The following RUNX3 variants were observed in gnomAD, a reference collection of about 807,000 sequenced individuals.
The protein encoded by RUNX3 is RUNX family transcription factor 3, also known as runt-related transcription factor 3.
Under a neutral mutation model 27.7 loss-of-function variants are expected in RUNX3, and 10 were observed. That is an observed-to-expected ratio of 0.36 (90% confidence interval 0.22 to 0.61). The LOEUF (loss-of-function observed/expected upper bound fraction) is 0.61. Among genes scored for constraint, RUNX3 ranks in the 20% least tolerant of loss-of-function variants. RUNX3 has a pLI of 0.72. For synonymous variants in RUNX3, 270 were observed against 269.2 expected, an observed-to-expected ratio of 1.00 and a Z score of -0.03; for missense variants, 469 against 629.5, an observed-to-expected ratio of 0.75 and a Z score of 2.73.
chr1:24,942,832 C>T (rs1011219328), intron 2 of RUNX3, among the ~76,000 whole-genome samples: 2 of 152,190 alleles, frequency 1.3e-5, no homozygotes, highest in Admixed American at 6.5e-5. Flanking sequence ...GGACCTGACC[C>T]GGGCTCCCGC....
chr1:24,945,546 G>A (rs1641585633), intron 2 of RUNX3, among the ~76,000 whole-genome samples: 1 of 152,326 alleles, frequency 6.6e-6, no homozygotes. Context: ...ATAACCCAAT[G>A]AGGTGGTTAG....
chr1:24,914,687 G>GC (rs769983490), intron 3 of RUNX3, among the ~76,000 whole-genome samples: 124 of 152,144 alleles, frequency 8.2e-4, no homozygotes, highest in Admixed American at 1.5e-3. Flanking sequence ...TGCCCCTAGC[G>GC]CAGGAGACAC....
At chr1:24,915,114 C>T (rs1640863774) in intron 3 of RUNX3, among the ~76,000 whole-genome samples, 1 of 152,252 alleles carries the variant, frequency 6.6e-6, no homozygotes, top group South Asian at 2.1e-4. Context: ...GCAAAGAACT[C>T]TGCCCTTGTA....
chr1:24,912,422 T>C (rs1361119592), intron 3 of RUNX3, among the ~76,000 whole-genome samples: 3 of 152,040 alleles, frequency 2.0e-5, no homozygotes, highest in Non-Finnish European at 4.4e-5. Context: ...GAGCCTCAGC[T>C]CAGGACAGCC....
In RUNX3 at chr1:24,927,802, AGGG is replaced by A; in HGVS notation, c.283-75_283-73del. ...AGAGGGTGACCAGGGAAAGGAGGGGAGGGGCTGGGCTGGGCAGCTCCCCCAGGT... is the reference window on the plus strand; with the variant it reads ...AGAGGGTGACCAGGGAAAGGAGGGGAGCTGGGCTGGGCAGCTCCCCCAGGT... On this transcript the variant is annotated intron_variant, in intron 1 of 4. Transcript: ENST00000308873. This position sits in a 1 kb window ranked among gnomAD's most constrained non-coding sequence, Gnocchi z 5.0. The A allele has an allele frequency of 8.9e-7, 1 of 1,125,600 alleles. No homozygotes were observed. The highest frequency in any genetic ancestry group is 1.3e-6 in the Non-Finnish European group (1 of 758,866). The allele number at this position is 1,125,600 out of a possible 1,614,324, so 69.7% of individuals were successfully genotyped here. A position where few individuals can be genotyped will look rare whatever the true frequency, so the allele number is the denominator to read the frequency against.
Position 24,929,773 on chromosome 1 carries a change from G to A in RUNX3, c.96C>T (p.Asn32=). Residue 32 remains asparagine (N), a synonymous_variant, in exon 1 of 5, where the codon AAC becomes AAT. Coordinates refer to ENST00000308873, the MANE Select transcript of RUNX3 (RefSeq NM_004350.3). ...CGGGGGKMGE[N]SGALSAQAAV... ...CCGCCTGCGCGCTCAGCGCGCCGCT[G>A]TTCTCGCCCATCTTGCCGCCGCCGC... is the stretch of plus-strand genomic sequence containing the variant. The A allele has an allele frequency of 6.9e-7, 1 of 1,449,028 alleles. No individual in the cohort carries two copies. Among genetic ancestry groups the A allele is most frequent in the Non-Finnish European group, 9.0e-7 (1 of 1,109,748 alleles). The allele number at this position is 1,449,028 out of a possible 1,614,324, so 89.8% of individuals were successfully genotyped here. A position where few individuals can be genotyped will look rare whatever the true frequency, so the allele number is the denominator to read the frequency against.
chr1:24,919,190 C>T (rs768239216), intron 3 of RUNX3, 50 bp downstream of exon 3: 4 of 1,216,602 alleles, frequency 3.3e-6, no homozygotes, highest in African/African-American at 3.1e-5. Context: ...CCTTCCCGCA[C>T]TGGACCCTCC....
upstream of RUNX3, among the ~76,000 whole-genome samples, chr1:24,932,455 G>T (rs1017870805): frequency 6.6e-5 from 10 of 152,030 alleles, no homozygotes; most frequent in South Asian, 2.1e-4. Context: ...GTGCGGGCCC[G>T]GCCGGGCTAC....
In RUNX3 at chr1:24,902,131, C is replaced by A; in HGVS notation, c.1239G>T (p.Arg413=). 6.5e-7 allele frequency: 1 copy of A among 1,545,258 alleles called. No individual in the cohort carries two copies. The highest frequency in any genetic ancestry group is 1.3e-5 in the African/African-American group (1 of 74,074). The change falls in exon 5 of 5, where the codon CGG becomes CGT. Residue 413 remains arginine (R), a synonymous_variant. Coordinates refer to ENST00000308873, the MANE Select transcript of RUNX3 (RefSeq NM_004350.3). The surrounding 1 kb of genome is among the most constrained non-coding windows in gnomAD (Gnocchi z 9.2). ...GAGTCCACCAGGGCGGTCAGTAGGG[C>A]CGCCACACGGCCTCATCCATGCGGC... The part of the protein sequence containing the change: ...TPGRMDEAVW[R]PY
intron 2 of RUNX3, among the ~76,000 whole-genome samples, chr1:24,958,716 G>A (rs1390966551): frequency 6.6e-6 from 1 of 152,042 alleles, no homozygotes; most frequent in Non-Finnish European, 1.5e-5. Flanking sequence ...CTTCCACTAA[G>A]CAAGGTAGGG....
chr1:24,919,757 C>T (rs1014948544), intron 2 of RUNX3, among the ~76,000 whole-genome samples: 1 of 151,812 alleles, frequency 6.6e-6, no homozygotes, highest in African/African-American at 2.4e-5. Flanking sequence ...AAGACACCCC[C>T]CCCCCACGGT....
Position 24,930,085 on chromosome 1 carries a change from C to T in RUNX3, c.-217G>A. 8 of 979,946 alleles carry T rather than the reference C, an allele frequency of 8.2e-6. No homozygotes were observed. Among genetic ancestry groups the T allele is most frequent in the Non-Finnish European group, 9.7e-6 (8 of 827,804 alleles). The allele number at this position is 979,946 out of a possible 1,614,324, so 60.7% of individuals were successfully genotyped here. A position where few individuals can be genotyped will look rare whatever the true frequency, so the allele number is the denominator to read the frequency against. On this transcript the variant is annotated 5_prime_UTR_variant, in exon 1 of 5. Coordinates refer to ENST00000308873, the MANE Select transcript of RUNX3 (RefSeq NM_004350.3). This position sits in a 1 kb window ranked among gnomAD's most constrained non-coding sequence, Gnocchi z 4.1. ...TGGCCCGACGGCCGCCCGCAGCCTG[C>T]CCGGCTAGTCCCGCATCCTCGGCGC...
chr1:24,947,099 T>G (rs1296344104), intron 2 of RUNX3, among the ~76,000 whole-genome samples: 1 of 152,156 alleles, frequency 6.6e-6, no homozygotes, highest in East Asian at 1.9e-4. Context: ...CTGTGTGTCC[T>G]CACGGTAACC....
chr1:24,902,527 G>A lies in RUNX3; in HGVS notation c.843C>T (p.Ser281=), dbSNP rs148866228. ...PGAMSAAFPY[S]ATPSGTSISS... is the part of the protein sequence containing the mutation. ...TGATGCTCGTGCCCGAGGGCGTGGC[G>A]CTGTAGGGGAAGGCAGCTGACATGG... The change falls in exon 5 of 5, where the codon AGC becomes AGT. Residue 281 remains serine, a synonymous_variant. Coordinates refer to ENST00000308873, the MANE Select transcript of RUNX3 (RefSeq NM_004350.3). The surrounding 1 kb of genome is among the most constrained non-coding windows in gnomAD (Gnocchi z 9.2). The A allele has an allele frequency of 8.8e-5, 141 of 1,594,764 alleles. 1 individual carries two copies. The highest frequency in any genetic ancestry group is 8.2e-4 in the South Asian group (74 of 89,920).
Position 24,964,806 on chromosome 1 carries a change from T to A in RUNX3, c.-98+30A>T, listed in dbSNP as rs1201212901. On this transcript the variant is annotated intron_variant, in intron 1 of 6. Coordinates refer to the RUNX3 transcript ENST00000338888. Reference sequence around the variant, plus strand: ...TGTGTGAGTGAGAGAGAGAAAAAAATCCCCAAGGAAAGTAAGTTTCTGTTT... The same window carrying A: ...TGTGTGAGTGAGAGAGAGAAAAAAAACCCCAAGGAAAGTAAGTTTCTGTTT... 29 of 1,113,568 alleles carry A rather than the reference T, an allele frequency of 2.6e-5. No homozygotes were observed. The East Asian group carries it at 8.0e-4, about 31-fold the overall frequency. The allele number at this position is 1,113,568 out of a possible 1,614,324, so 69.0% of individuals were successfully genotyped here. A position where few individuals can be genotyped will look rare whatever the true frequency, so the allele number is the denominator to read the frequency against.
rs1215952275 is a variant in RUNX3, at chr1:24,962,869, C to T, written c.58+1645G>A. On this transcript the variant is annotated intron_variant, in intron 2 of 6. Coordinates refer to the RUNX3 transcript ENST00000338888. The surrounding 1 kb of genome is among the most constrained non-coding windows in gnomAD (Gnocchi z 4.5). ...GGCTCTAGCCCTGTCTCCCAAGGTT[C>T]CTTTGTTTTAAACCCTACATTTCTC... The T allele has an allele frequency of 1.3e-5, 2 of 152,256 alleles. No homozygotes were observed. Among genetic ancestry groups the T allele is most frequent in the African/African-American group, 4.8e-5 (2 of 41,458 alleles). The allele number at this position is 152,256 out of a possible 1,614,324, so 9.4% of individuals were successfully genotyped here.
chr1:24,928,191 G>A (rs1294997480), intron 1 of RUNX3, among the ~76,000 whole-genome samples: 1 of 152,228 alleles, frequency 6.6e-6, no homozygotes, highest in Non-Finnish European at 1.5e-5. Flanking sequence ...GCTGTTTAGG[G>A]CATGAAATTT....
intron 2 of RUNX3, among the ~76,000 whole-genome samples, chr1:24,957,599 G>C (rs569195186): frequency 1.4e-4 from 22 of 152,340 alleles, no homozygotes; most frequent in Middle Eastern, 3.4e-3. Context: ...AGACAGGCCA[G>C]GGTTTCTCAC....
chr1:24,915,548 G>T (rs190407622), intron 3 of RUNX3, among the ~76,000 whole-genome samples: 113 of 152,334 alleles, frequency 7.4e-4, no homozygotes, highest in Non-Finnish European at 8.7e-4. Flanking sequence ...GGAAGGAAAA[G>T]GGGGAGAGGT....
Sources: gnomAD v4.1 joint callset for allele counts (sites outside exome capture counted in the v4.1 genomes callset) on GRCh38, gnomAD v4.1.1 for gene constraint, Gnocchi (gnomAD v3.1) non-coding constraint, MANE v1.5 for transcripts, NCBI Gene and HGNC (gene_info 2026-07-23, HGNC 2026-07-21) for gene names.